Variants in PLIN1 observed in about 807,000 individuals in gnomAD.
PLIN1 encodes the protein perilipin-1.
In PLIN1, 37 loss-of-function variants were observed where a neutral mutation model predicts 45.8. That is an observed-to-expected ratio of 0.81 (90% CI 0.62 to 1.06). The LOEUF (loss-of-function observed/expected upper bound fraction) is 1.06. Among genes scored for constraint, PLIN1 ranks in the 50% least tolerant of loss-of-function variants. The probability of loss-of-function intolerance (pLI) is 0.00; values close to 1 mark genes in which losing one functional copy is unlikely to be tolerated. For missense variants in PLIN1, 776 were observed against 716.5 expected (o/e 1.08, Z -0.95); for synonymous variants, 340 against 309.2 (o/e 1.10, Z -1.05).
intron 7 of PLIN1, 36 bp downstream of exon 7, chr15:89,667,566 G>A: frequency 1.2e-6 from 2 of 1,614,134 alleles, no homozygotes; most frequent in Non-Finnish European, 1.7e-6. Context: ...CCTTCTGTGG[G>A]CTGGGGGACC....
At chr15:89,672,873 G>C (rs1269815012) in intron 3 of PLIN1, among the ~76,000 whole-genome samples, 2 of 152,228 alleles carry the variant, frequency 1.3e-5, no homozygotes, top group Admixed American at 6.5e-5. Context: ...TGCTGCTGCT[G>C]CTGCCTGTGC....
intron 8 of PLIN1, among the ~76,000 whole-genome samples, chr15:89,666,690 C>T (rs1405010706): frequency 6.6e-6 from 1 of 152,096 alleles, no homozygotes; most frequent in African/African-American, 2.4e-5. Flanking sequence ...GGAGACTCCT[C>T]TACCAGCAGG....
At chr15:89,677,084 A>T in intron 2 of PLIN1, 2 of 349,496 alleles carry the variant, frequency 5.7e-6, no homozygotes, top group Non-Finnish European at 1.1e-5. Context: ...GGAGACACAG[A>T]ATACAGTGGC....
chr15:89,665,375 G>A lies in PLIN1; in HGVS notation c.*208C>T. 2 of 385,372 alleles carry A rather than the reference G, an allele frequency of 5.2e-6. No individual in the cohort carries two copies. The highest frequency in any genetic ancestry group is 9.1e-6 in the Non-Finnish European group (2 of 218,826). The allele number at this position is 385,372 out of a possible 1,614,324, so 23.9% of individuals were successfully genotyped here. ...GCGGCTCTGGTGTCCCTTAAAAACT[G>A]GCTCTGAGAGTGAAGCCCCAAAAGG... On this transcript the variant is annotated 3_prime_UTR_variant, in exon 9 of 9. Transcript: ENST00000300055.
chr15:89,673,975 C>T (rs965257166), intron 2 of PLIN1, among the ~76,000 whole-genome samples: 5 of 152,290 alleles, frequency 3.3e-5, no homozygotes, highest in East Asian at 1.9e-4. Context: ...TCCATCACGT[C>T]GGAAACCACT....
In PLIN1 at chr15:89,667,724, C is replaced by T. The variant is rs1964374056; in HGVS notation, c.841G>A (p.Val281Ile). The change falls in exon 7 of 9, where the codon GTA becomes ATA. Residue 281 changes from valine (V) to isoleucine (I), a missense_variant. By Grantham distance (29) the Val-to-Ile change is conservative. Transcript: ENST00000300055. ...GCTGCGAGGCTGTGCAGCCAGGGTA[C>T]CCGCACTTCGCTCCTCCGCCGGGAC... ...AVSRRRSEVR[V>I]PWLHSLAAAQ... The T allele has an allele frequency of 3.8e-6, 6 of 1,575,220 alleles. No homozygotes were observed. Among genetic ancestry groups the T allele is most frequent in the Middle Eastern group, 1.7e-4 (1 of 6,034 alleles).
chr15:89,667,529 G>T (rs1413332187), intron 7 of PLIN1, 73 bp downstream of exon 7: 1 of 1,612,224 alleles, frequency 6.2e-7, no homozygotes, highest in South Asian at 1.1e-5. Context: ...GAGGCCCTGA[G>T]TTCACCCTAT....
Position 89,670,083 on chromosome 15 carries a change from G to A in PLIN1, c.495C>T (p.Ala165=), listed in dbSNP as rs1166217106. 2 of 1,614,168 alleles carry A rather than the reference G, an allele frequency of 1.2e-6. No homozygotes were observed. Among genetic ancestry groups the A allele is most frequent in the African/African-American group, 1.3e-5 (1 of 75,048 alleles). Residue 165 remains alanine, a synonymous_variant, in exon 5 of 9, where the codon GCC becomes GCT. Coordinates refer to ENST00000300055, the MANE Select transcript of PLIN1 (RefSeq NM_002666.5). ...GVARDTAEFA[A]NTRAGRLASG... ...AAGCCAGTCGGCCAGCTCGAGTGTTGGCAGCAAATTCCGCAGTGTCTCTGG... is the reference window on the plus strand; with the variant it reads ...AAGCCAGTCGGCCAGCTCGAGTGTTAGCAGCAAATTCCGCAGTGTCTCTGG...
chr15:89,671,943 T>C (rs180760111), intron 3 of PLIN1, among the ~76,000 whole-genome samples: 29 of 152,354 alleles, frequency 1.9e-4, no homozygotes, highest in Middle Eastern at 3.4e-3. Context: ...ATGGGAGCTA[T>C]ATGAATCACC....
Position 89,669,975 on chromosome 15 carries a change from G to A in PLIN1, c.598+5C>T. 1 of 1,609,484 alleles carries A rather than the reference G, an allele frequency of 6.2e-7. No individual in the cohort carries two copies. ...TCCCAGGCCGAGCCTCCGAATGGCA[G>A]GTACCTGACTCTTCCTTGTCTGGAG... On this transcript the variant is annotated splice_donor_5th_base_variant and intron_variant, in intron 5 of 8. Coordinates refer to ENST00000300055, the MANE Select transcript of PLIN1 (RefSeq NM_002666.5).
chr15:89,672,758 A>G (rs1964458578), intron 3 of PLIN1, among the ~76,000 whole-genome samples: 1 of 152,080 alleles, frequency 6.6e-6, no homozygotes. Flanking sequence ...AGCCGCTACC[A>G]TCAGCTGCTG....
chr15:89,670,087 G>C lies in PLIN1; in HGVS notation c.491C>G (p.Ala164Gly). ...CAGTCGGCCAGCTCGAGTGTTGGCA[G>C]CAAATTCCGCAGTGTCTCTGGCCAC... is the stretch of plus-strand genomic sequence containing the variant. ...WGVARDTAEF[A>G]ANTRAGRLAS... The change falls in exon 5 of 9, where the codon GCT (alanine) becomes GGT (glycine). Residue 164 changes from alanine to glycine, a missense_variant. Physicochemically the swap from Ala to Gly is moderately conservative, Grantham distance 60 (BLOSUM62 0). Coordinates refer to ENST00000300055, the MANE Select transcript of PLIN1 (RefSeq NM_002666.5). 1.2e-6 allele frequency: 2 copies of C among 1,614,146 alleles called. No homozygotes were observed. The highest frequency in any genetic ancestry group is 4.5e-5 in the East Asian group (2 of 44,882).
intron 1 of PLIN1, among the ~76,000 whole-genome samples, chr15:89,678,108 G>C (rs1037814652): frequency 6.6e-6 from 1 of 151,686 alleles, no homozygotes; most frequent in Non-Finnish European, 1.5e-5. Context: ...GGCCAGGCTG[G>C]TCTCGAACTC....
rs1295830456 is a variant in PLIN1 at position 89,665,692 on chromosome 15, A to ACGGC, written c.1456_1459dup (p.Val487GlyfsTer80). 6.8e-7 allele frequency: 1 copy of ACGGC among 1,476,588 alleles called. No individual in the cohort carries two copies. The highest frequency in any genetic ancestry group is 8.9e-7 in the Non-Finnish European group (1 of 1,117,414). The allele number at this position is 1,476,588 out of a possible 1,614,324, so 91.5% of individuals were successfully genotyped here. A position where few individuals can be genotyped will look rare whatever the true frequency, so the allele number is the denominator to read the frequency against. On this transcript the variant is annotated frameshift_variant, in exon 9 of 9. Transcript: ENST00000300055. LOFTEE classifies it high-confidence loss of function. ...CCTGCGCTTTGGCTTCTCGCGGGGC[A>ACGGC]CGGCCGGGAAGCCCGGGCGCGGCGC...
chr15:89,667,647 C>T lies in PLIN1; in HGVS notation c.918G>A (p.Thr306=), dbSNP rs145712672. The T allele has an allele frequency of 2.9e-5, 46 of 1,611,200 alleles. No homozygotes were observed. Among genetic ancestry groups the T allele is most frequent in the East Asian group, 4.5e-5 (2 of 44,762 alleles). ...EDQTDTEGED[T]EEEEELETEE... The stretch of plus-strand genomic sequence containing the variant: ...CAGTCTCCAATTCTTCCTCCTCCTC[C>T]GTGTCCTCTCCCTCCGTGTCTGTCT... Residue 306 remains threonine (T), a synonymous_variant, in exon 7 of 9, where the codon ACG becomes ACA. Coordinates refer to ENST00000300055, the MANE Select transcript of PLIN1 (RefSeq NM_002666.5).
intron 2 of PLIN1, chr15:89,676,784 A>T (rs1274729889): frequency 6.5e-6 from 1 of 154,002 alleles, no homozygotes; most frequent in Admixed American, 6.3e-5. Flanking sequence ...AATACAAAAC[A>T]AAGTGATTCC....
rs80072779 is a variant in PLIN1 at position 89,666,876 on chromosome 15, T to C, written c.1209+60A>G. ...CTGCAGCCCCTTCAGTCAAATCTAC[T>C]TTATCTGCCATGTCCAGGCCCCCTT... On this transcript the variant is annotated intron_variant, in intron 8 of 8. Coordinates refer to ENST00000300055, the MANE Select transcript of PLIN1 (RefSeq NM_002666.5). 3.1e-3 allele frequency: 4,909 copies of C among 1,602,508 alleles called. 138 individuals are homozygous for C. The African/African-American group carries it at 0.059, about 19-fold the overall frequency.
chr15:89,669,488 G>T lies in PLIN1; in HGVS notation c.771+12C>A. The T allele has an allele frequency of 6.2e-7, 1 of 1,608,248 alleles. No individual in the cohort carries two copies. On this transcript the variant is annotated intron_variant, in intron 6 of 8. Transcript: ENST00000300055. ...GGCACCGGGTCAGTCAGAGCTCACG[G>T]CAGATACTTACCAGGGGCACCACGC... is the stretch of plus-strand genomic sequence containing the variant.
chr15:89,667,456 TG>T, intron 7 of PLIN1, 145 bp downstream of exon 7: 1 of 1,278,840 alleles, frequency 7.8e-7, no homozygotes, highest in Non-Finnish European at 1.1e-6. Flanking sequence ...CCTCGCCAGC[TG>T]GGCATTTGGG....
Sources: allele counts gnomAD v4.1 joint callset (sites outside exome capture counted in the v4.1 genomes callset), GRCh38; gene constraint gnomAD v4.1.1; transcripts MANE v1.5; gene names NCBI Gene and HGNC (gene_info 2026-07-23, HGNC 2026-07-21).